The following EMX2 variants were observed in gnomAD, a reference collection of about 807,000 sequenced individuals.
EMX2 encodes homeobox protein EMX2.
In EMX2, 6 loss-of-function variants were observed where a neutral mutation model predicts 23.0. The ratio of observed to expected loss-of-function variants is 0.26; its 90% confidence interval spans 0.14 to 0.52. The LOEUF (loss-of-function observed/expected upper bound fraction) is 0.52, where lower values mean the gene tolerates loss of function less well. Among genes scored for constraint, EMX2 ranks in the 20% least tolerant of loss-of-function variants. The pLI is 0.97. For missense variants in EMX2, 302 were observed against 341.4 expected (o/e 0.88, Z 0.91); for synonymous variants, 175 against 153.3 (o/e 1.14, Z -1.04).
At position 117,543,295 on chromosome 10, in the gene EMX2, T is replaced by G; in HGVS notation, c.28T>G (p.Phe10Val). Residue 10 changes from phenylalanine (F) to valine (V), a missense_variant, in exon 1 of 3, where the codon TTC becomes GTC. Phe to Val is a conservative substitution (Grantham distance 50, BLOSUM62 -1). Coordinates refer to ENST00000553456, the MANE Select transcript of EMX2 (RefSeq NM_004098.4). MFQPAPKRC[F>V]TIESLVAKDS... The stretch of plus-strand genomic sequence containing the variant: ...GTTCCAGCCGGCGCCCAAGCGCTGC[T>G]TCACCATCGAGTCGCTGGTGGCCAA... 6.5e-7 allele frequency: 1 copy of G among 1,549,720 alleles called. No individual in the cohort carries two copies. Among genetic ancestry groups the G allele is most frequent in the Non-Finnish European group, 8.7e-7 (1 of 1,146,674 alleles).
At position 117,548,299 on chromosome 10, in the gene EMX2, GA is replaced by G. The variant is rs1054890324; in HGVS notation, c.*73del. 9 of 1,580,724 alleles carry G rather than the reference GA, an allele frequency of 5.7e-6. No homozygotes were observed. The highest frequency in any genetic ancestry group is 2.7e-5 in the African/African-American group (2 of 73,292). On this transcript the variant is annotated 3_prime_UTR_variant, in exon 3 of 3. Coordinates refer to ENST00000553456, the MANE Select transcript of EMX2 (RefSeq NM_004098.4). ...AAAGAGACAGGGAGAGGTGGAGAAG[GA>G]AAAAACCCTACAAAACAAAAACAAA...
In EMX2 at chr10:117,548,355, G is replaced by T; in HGVS notation, c.*123G>T. On this transcript the variant is annotated 3_prime_UTR_variant, in exon 3 of 3. Coordinates refer to ENST00000553456, the MANE Select transcript of EMX2 (RefSeq NM_004098.4). ...ATACACGTTCACCGAGAAAGGGAGA[G>T]GGAATCGGAGGGAGCAGCGGAATGC... The T allele has an allele frequency of 2.1e-6, 3 of 1,397,550 alleles. No homozygotes were observed. Among genetic ancestry groups the T allele is most frequent in the South Asian group, 2.5e-5 (2 of 78,444 alleles). The allele number at this position is 1,397,550 out of a possible 1,614,324, so 86.6% of individuals were successfully genotyped here.
Position 117,548,566 on chromosome 10 carries a change from G to C in EMX2, c.*334G>C, listed in dbSNP as rs879716024. ...AGAGAGAAAGAGAGAGAGAGAGAGA[G>C]AGAGAGAAAGCTGAACGTGCACTCT... On this transcript the variant is annotated 3_prime_UTR_variant, in exon 3 of 3. Coordinates refer to ENST00000553456, the MANE Select transcript of EMX2 (RefSeq NM_004098.4). 6.2e-3 allele frequency: 3,231 copies of C among 517,656 alleles called. 36 individuals are homozygous for C. Among genetic ancestry groups the C allele is most frequent in the Non-Finnish European group, 7.8e-3 (2,320 of 296,644 alleles). 32.1% of individuals were successfully genotyped at this position (517,656 alleles called of 1,614,324 possible).
At position 117,549,234 on chromosome 10, in the gene EMX2, G is replaced by C. The variant is rs1846626169; in HGVS notation, c.*1002G>C. Reference sequence around the variant, plus strand: ...TTCAGTGGTTGGAGAAATTGGCCGAGTTCAACCATTCACTGCAATGCCTAT... The same window carrying C: ...TTCAGTGGTTGGAGAAATTGGCCGACTTCAACCATTCACTGCAATGCCTAT... On this transcript the variant is annotated 3_prime_UTR_variant, in exon 3 of 3. Transcript: ENST00000553456. 6.6e-6 allele frequency: 1 copy of C among 152,648 alleles called. No homozygotes were observed. 9.5% of individuals were successfully genotyped at this position (152,648 alleles called of 1,614,324 possible).
intron 2 of EMX2, among the ~76,000 whole-genome samples, chr10:117,546,522 T>TG (rs397714780): frequency 6.6e-6 from 1 of 152,004 alleles, no homozygotes; most frequent in African/African-American, 2.4e-5. Context: ...AACGTTTTTT[T>TG]GGGCAGACTA....
rs750853512 is a variant in EMX2 at position 117,548,780 on chromosome 10, A to G, written c.*548A>G. The stretch of plus-strand genomic sequence containing the variant: ...ATCTTTAAAAATAATTAGTAATAAA[A>G]AACAAAAATTCCATATCTAGCCCCA... On this transcript the variant is annotated 3_prime_UTR_variant, in exon 3 of 3. Coordinates refer to ENST00000553456, the MANE Select transcript of EMX2 (RefSeq NM_004098.4). The G allele has an allele frequency of 2.7e-5, 11 of 405,448 alleles. No individual in the cohort carries two copies. Among genetic ancestry groups the G allele is most frequent in the African/African-American group, 6.2e-5 (3 of 48,642 alleles). 25.1% of individuals were successfully genotyped at this position (405,448 alleles called of 1,614,324 possible).
In EMX2 at chr10:117,545,652, A is replaced by G. The variant is rs1589649239; in HGVS notation, c.427A>G (p.Ser143Gly). 1 of 1,614,096 alleles carries G rather than the reference A, an allele frequency of 6.2e-7. No homozygotes were observed. Residue 143 changes from serine to glycine, a missense_variant, in exon 2 of 3, where the codon AGT becomes GGT. Physicochemically the swap from Ser to Gly is moderately conservative, Grantham distance 56. Coordinates refer to ENST00000553456, the MANE Select transcript of EMX2 (RefSeq NM_004098.4). The stretch of plus-strand genomic sequence containing the variant: ...CGCAGGGAACGACACTAGCCCCGAG[A>G]GTTTCCTTTTGCACAACGCGCTGGC... Reference protein sequence around the residue: ...RFQGNDTSPESFLLHNALARK... With the variant: ...RFQGNDTSPEGFLLHNALARK...
Position 117,548,237 on chromosome 10 carries a change from A to AT in EMX2, c.*6dup. ...GACGTGACCTCAGATGATTAAAAAC[A>AT]TAAACCTAACCCCACAGAAACGGAC... is the stretch of plus-strand genomic sequence containing the variant. On this transcript the variant is annotated 3_prime_UTR_variant, in exon 3 of 3. Coordinates refer to ENST00000553456, the MANE Select transcript of EMX2 (RefSeq NM_004098.4). The AT allele has an allele frequency of 6.2e-7, 1 of 1,613,648 alleles. No homozygotes were observed. The highest frequency in any genetic ancestry group is 8.5e-7 in the Non-Finnish European group (1 of 1,179,758).
At position 117,543,470 on chromosome 10, in the gene EMX2, A is replaced by G; in HGVS notation, c.203A>G (p.Asp68Gly). 6.2e-7 allele frequency: 1 copy of G among 1,608,866 alleles called. No homozygotes were observed. Among genetic ancestry groups the G allele is most frequent in the Non-Finnish European group, 8.5e-7 (1 of 1,178,324 alleles). ...GGTAGGGGCGTCTACTCCAACCCGG[A>G]CTTGGTGTTCGCCGAGGCGGTCTCG... ...AAGRGVYSNP[D>G]LVFAEAVSHP... The change falls in exon 1 of 3, where the codon GAC becomes GGC. Residue 68 changes from aspartate to glycine, a missense_variant. Transcript: ENST00000553456.
intron 1 of EMX2, 102 bp from the exon 2 acceptor site, chr10:117,545,530 G>A: frequency 6.9e-7 from 1 of 1,446,786 alleles, no homozygotes; most frequent in South Asian, 1.2e-5. Flanking sequence ...GCGGCTATGC[G>A]AAGGCCCTGA....
In EMX2 at chr10:117,543,687, C is replaced by A. The variant is rs371316386; in HGVS notation, c.406+14C>A. ...ATCGCTTCCAAGGTACGTGCCACGT[C>A]GCGGAACTGCAGCGCGCCGCTCCCG... On this transcript the variant is annotated intron_variant, in intron 1 of 2. Transcript: ENST00000553456. The A allele has an allele frequency of 2.5e-5, 40 of 1,613,254 alleles. No individual in the cohort carries two copies. The African/African-American group carries it at 3.9e-4, about 16-fold the overall frequency.
At chr10:117,547,401 G>A (rs962085674) in intron 2 of EMX2, among the ~76,000 whole-genome samples, 2 of 152,080 alleles carry the variant, frequency 1.3e-5, no homozygotes, top group African/African-American at 4.8e-5. Context: ...AGCTATAAAG[G>A]TACAGCTGGG....
intron 1 of EMX2, 63 bp downstream of exon 1, chr10:117,543,736 C>T: frequency 1.2e-6 from 2 of 1,611,560 alleles, no homozygotes; most frequent in Non-Finnish European, 1.7e-6. Flanking sequence ...TGCCCCCGGC[C>T]TGCTCCGGGT....
At position 117,546,515 on chromosome 10, in the gene EMX2, GT is replaced by G. The variant is rs34814147; in HGVS notation, c.591+706del. Among the ~76,000 whole-genome samples the G allele has an allele frequency of 6.2e-4, 95 of 152,160 alleles. 1 individual carries two copies. The East Asian group carries it at 0.018, about 28-fold the overall frequency. On this transcript the variant is annotated intron_variant, in intron 2 of 2. Coordinates refer to ENST00000553456, the MANE Select transcript of EMX2 (RefSeq NM_004098.4). The stretch of plus-strand genomic sequence containing the variant: ...GTCAAAGTTCCCAGCAAACAGTAAC[GT>G]TTTTTTGGGCAGACTAAGTTGTAAC...
intron 1 of EMX2, 123 bp downstream of exon 1, chr10:117,543,796 G>A (rs1165551378): frequency 2.7e-6 from 4 of 1,489,310 alleles, no homozygotes; most frequent in Non-Finnish European, 3.7e-6. Context: ...GCGGGCCAGC[G>A]CGCCCTGTTG....
chr10:117,547,943 A>G lies in EMX2; in HGVS notation c.592-122A>G. On this transcript the variant is annotated intron_variant, in intron 2 of 2. Coordinates refer to ENST00000553456, the MANE Select transcript of EMX2 (RefSeq NM_004098.4). ...GGGGAGGCTGGACCTTAGGACTTGC[A>G]TCTCGGGGGCTGGGTCTTTGCTGAG... The G allele has an allele frequency of 2.9e-6, 4 of 1,402,334 alleles. No homozygotes were observed. The South Asian group carries it at 5.0e-5, about 17-fold the overall frequency. The allele number at this position is 1,402,334 out of a possible 1,614,324, so 86.9% of individuals were successfully genotyped here.
chr10:117,543,259 C>T lies in EMX2; in HGVS notation c.-9C>T. 3.2e-6 allele frequency: 5 copies of T among 1,539,046 alleles called. No individual in the cohort carries two copies. Among genetic ancestry groups the T allele is most frequent in the Non-Finnish European group, 4.4e-6 (5 of 1,141,870 alleles). On this transcript the variant is annotated 5_prime_UTR_variant, in exon 1 of 3. Transcript: ENST00000553456. ...CTGGGAGCCCAGGGCGCCCGCTCCT[C>T]GGCGCAGCATGTTCCAGCCGGCGCC... is the stretch of plus-strand genomic sequence containing the variant.
chr10:117,544,180 G>C (rs1314476135), intron 1 of EMX2: 1 of 181,004 alleles, frequency 5.5e-6, no homozygotes, highest in Non-Finnish European at 1.1e-5. Flanking sequence ...CTGGAGGCGA[G>C]AGGATCCTCG....
In EMX2 at chr10:117,548,195, C is replaced by T. The variant is rs376235349; in HGVS notation, c.722C>T (p.Ala241Val). 6.2e-7 allele frequency: 1 copy of T among 1,613,626 alleles called. No homozygotes were observed. Among genetic ancestry groups the T allele is most frequent in the African/African-American group, 1.3e-5 (1 of 74,782 alleles). ...INRWRIATKQASPEEIDVTSD... is the reference protein window; with the variant it reads ...INRWRIATKQVSPEEIDVTSD... ...CGGTGGAGAATCGCCACCAAGCAGG[C>T]GAGTCCGGAGGAAATAGACGTGACC... The change falls in exon 3 of 3, where the codon GCG becomes GTG. Residue 241 changes from alanine (A) to valine (V), a missense_variant. By Grantham distance (64) the Ala-to-Val change is moderately conservative. Transcript: ENST00000553456.
Sources: allele counts gnomAD v4.1 joint callset (sites outside exome capture counted in the v4.1 genomes callset), GRCh38; gene constraint gnomAD v4.1.1; transcripts MANE v1.5; gene names NCBI Gene and HGNC (gene_info 2026-07-23, HGNC 2026-07-21).